Variants in CDH13 observed in about 807,000 individuals in gnomAD.
CDH13 encodes cadherin 13.
In CDH13, 24 loss-of-function variants were observed where a neutral mutation model predicts 63.8. That is an observed-to-expected ratio of 0.38 (90% CI 0.27 to 0.53). The LOEUF (loss-of-function observed/expected upper bound fraction) is 0.53. CDH13 is among the 20% of genes least tolerant of loss of function. The probability of loss-of-function intolerance (pLI) is 0.85; values close to 1 mark genes in which losing one functional copy is unlikely to be tolerated. For synonymous variants in CDH13, 503 were observed against 355.3 expected, an observed-to-expected ratio of 1.42 and a Z score of -4.67; for missense variants, 1,049 against 903.1, an observed-to-expected ratio of 1.16 and a Z score of -2.07.
At chr16:83,742,731 A>G (rs1912184884) in intron 10 of CDH13, among the ~76,000 whole-genome samples, 1 of 152,176 alleles carries the variant, frequency 6.6e-6, no homozygotes, top group African/African-American at 2.4e-5. Flanking sequence ...CGATGGCTCC[A>G]CCGTTCATTG....
chr16:82,829,627 C>A (rs781152882), intron 1 of CDH13: 5 of 151,992 alleles, frequency 3.3e-5, no homozygotes, highest in Non-Finnish European at 7.4e-5. Context: ...AATGAAATTC[C>A]GTTCCTTCTT....
intron 3 of CDH13, among the ~76,000 whole-genome samples, chr16:83,083,326 C>G (rs1316175894): frequency 6.6e-6 from 1 of 152,056 alleles, no homozygotes; most frequent in Non-Finnish European, 1.5e-5. Context: ...AACTCTATAC[C>G]GTACAGTATA....
chr16:83,473,504 C>G (rs549502356), intron 6 of CDH13, among the ~76,000 whole-genome samples: 2 of 152,286 alleles, frequency 1.3e-5, no homozygotes, highest in East Asian at 3.9e-4. Flanking sequence ...ATACCTGGAA[C>G]TTCAGCCAGG....
chr16:82,716,508 T>G (rs1341205749), intron 1 of CDH13, among the ~76,000 whole-genome samples: 1 of 150,916 alleles, frequency 6.6e-6, no homozygotes, highest in African/African-American at 2.4e-5. Context: ...ATTAAACAGT[T>G]GTAAAAGTTG....
At chr16:82,920,753 T>C (rs2042129659) in intron 2 of CDH13, among the ~76,000 whole-genome samples, 1 of 152,228 alleles carries the variant, frequency 6.6e-6, no homozygotes, top group South Asian at 2.1e-4. Context: ...GAGCCTTCTT[T>C]ACAAAATCAG....
chr16:83,232,545 CA>C (rs371820662), intron 5 of CDH13, among the ~76,000 whole-genome samples: 2,463 of 107,922 alleles, frequency 0.023, 27 homozygotes, highest in Admixed American at 0.032. Context: ...ACAACAACAA[CA>C]AACAAACAAA....
At chr16:83,065,003 C>G (rs1438865656) in intron 3 of CDH13, among the ~76,000 whole-genome samples, 1 of 152,122 alleles carries the variant, frequency 6.6e-6, no homozygotes, top group Non-Finnish European at 1.5e-5. Context: ...AAAATCTCCC[C>G]AGTCCCTCCC....
intron 6 of CDH13, among the ~76,000 whole-genome samples, chr16:83,381,441 G>C (rs12447211): frequency 0.99 from 150,994 of 152,194 alleles, 74,910 homozygotes; most frequent in East Asian, 1. Context: ...CCCTATCCAT[G>C]TTCATGATTT....
chr16:83,385,413 G>T (rs1043747624), intron 6 of CDH13, among the ~76,000 whole-genome samples: 12 of 152,176 alleles, frequency 7.9e-5, no homozygotes, highest in Non-Finnish European at 1.6e-4. Flanking sequence ...ATTGCTATAG[G>T]CAAGGTGGCC....
At chr16:83,038,012 T>C (rs1917017216) in intron 3 of CDH13, among the ~76,000 whole-genome samples, 1 of 151,950 alleles carries the variant, frequency 6.6e-6, no homozygotes. Context: ...AAGCCAGAGA[T>C]GGGGAACAGG....
intron 1 of CDH13, among the ~76,000 whole-genome samples, chr16:82,786,612 C>A (rs1337680887): frequency 6.6e-6 from 1 of 151,088 alleles, no homozygotes; most frequent in Non-Finnish European, 1.5e-5. Context: ...CCCGTTACCT[C>A]ATCATTTACA....
intron 1 of CDH13, among the ~76,000 whole-genome samples, chr16:82,846,570 T>C (rs1314991584): frequency 3.9e-5 from 6 of 152,168 alleles, no homozygotes; most frequent in Non-Finnish European, 5.9e-5. Flanking sequence ...AGAAACTAAC[T>C]GGAAAAATTG....
At chr16:82,855,977 T>A (rs6565073) in intron 1 of CDH13, among the ~76,000 whole-genome samples, 74,210 of 151,946 alleles carry the variant, frequency 0.49, 18,394 homozygotes, top group East Asian at 0.77. Flanking sequence ...TGTGCAGTGG[T>A]TAGGATTTTG....
At chr16:82,942,870 C>G (rs1310483023) in intron 2 of CDH13, among the ~76,000 whole-genome samples, 2 of 152,138 alleles carry the variant, frequency 1.3e-5, no homozygotes, top group Non-Finnish European at 2.9e-5. Flanking sequence ...TACAAATGCT[C>G]AAAGTTGCTG....
At chr16:83,433,322 G>A (rs2072183502) in intron 6 of CDH13, among the ~76,000 whole-genome samples, 1 of 152,204 alleles carries the variant, frequency 6.6e-6, no homozygotes, top group African/African-American at 2.4e-5. Context: ...GAGTGCCTCT[G>A]CCTTCCCCTT....
intron 5 of CDH13, among the ~76,000 whole-genome samples, chr16:83,281,346 C>A (rs189529088): frequency 1.0e-3 from 159 of 152,282 alleles, no homozygotes; most frequent in African/African-American, 3.6e-3. Context: ...CCTCTCTCAG[C>A]CTTTATAGCA....
At chr16:82,667,820 G>T (rs1912779086) in intron 1 of CDH13, among the ~76,000 whole-genome samples, 1 of 152,108 alleles carries the variant, frequency 6.6e-6, no homozygotes, top group African/African-American at 2.4e-5. Context: ...GTCTTGCTAT[G>T]TCAGGCATTC....
chr16:83,352,318 A>C (rs1169212078), intron 6 of CDH13, among the ~76,000 whole-genome samples: 1 of 152,132 alleles, frequency 6.6e-6, no homozygotes. Context: ...CTAGCTATTG[A>C]CTCCACCTAG....
intron 1 of CDH13, among the ~76,000 whole-genome samples, chr16:82,836,849 G>C (rs376075402): frequency 6.6e-6 from 1 of 152,182 alleles, no homozygotes; most frequent in Non-Finnish European, 1.5e-5. Context: ...CATTCTCCAA[G>C]TGTGACTTTC....
Sources: allele counts gnomAD v4.1 joint callset (sites outside exome capture counted in the v4.1 genomes callset), GRCh38; gene constraint gnomAD v4.1.1; transcripts MANE v1.5; gene names NCBI Gene and HGNC (gene_info 2026-07-23, HGNC 2026-07-21).